Variants in KLB observed in about 807,000 individuals in gnomAD.
KLB encodes beta-klotho.
In KLB, 44 loss-of-function variants were observed where a neutral mutation model predicts 88.4. The ratio of observed to expected loss-of-function variants is 0.50; its 90% confidence interval spans 0.39 to 0.64. The LOEUF is 0.64. Ranked by LOEUF, KLB falls within the 30% of genes least tolerant of loss-of-function variation. The pLI is 0.00. For synonymous variants in KLB, 548 were observed against 513.4 expected (o/e 1.07, Z -0.91); for missense variants, 1,137 against 1,304.8 (o/e 0.87, Z 1.98).
intron 3 of KLB, among the ~76,000 whole-genome samples, chr4:39,439,568 C>T (rs1049995143): frequency 1.3e-5 from 2 of 151,904 alleles, no homozygotes; most frequent in Non-Finnish European, 2.9e-5. Context: ...CCAGTTCAAA[C>T]GATTCTCCTG....
At position 39,414,817 on chromosome 4, in the gene KLB, C is replaced by T. The variant is rs1286035608; in HGVS notation, c.825+7043C>T. ...CCGGGAGGCGGAGGTTGCAGTGAGC[C>T]AAGATCATGCCACTGCACTCTAGCC... On this transcript the variant is annotated intron_variant, in intron 1 of 4. Coordinates refer to ENST00000257408, the MANE Select transcript of KLB (RefSeq NM_175737.4). 3.7e-5 allele frequency among the ~76,000 whole-genome samples: 5 copies of T among 134,252 alleles called. No individual in the cohort carries two copies. The East Asian group carries it at 9.3e-4, about 25-fold the overall frequency. 88.1% of individuals were successfully genotyped at this position (134,252 alleles called of 152,430 possible).
At position 39,437,943 on chromosome 4, in the gene KLB, A is replaced by T; in HGVS notation, c.1553A>T (p.Gln518Leu). ...FSLKESTPDV[Q>L]GQFPCDFSWG... ...TTAAAAGAGTCCACGCCAGATGTGCAGGGCCAGTTTCCCTGTGACTTCTCC... is the reference window on the plus strand; with the variant it reads ...TTAAAAGAGTCCACGCCAGATGTGCTGGGCCAGTTTCCCTGTGACTTCTCC... Residue 518 changes from glutamine (Q) to leucine (L), a missense_variant, in exon 3 of 5, where the codon CAG becomes CTG. By Grantham distance (113) the Gln-to-Leu change is moderately radical (BLOSUM62 -2). This residue lies in a region of KLB where 597 missense variants were observed against 765.2 expected (regional missense o/e 0.78). Transcript: ENST00000257408. The T allele has an allele frequency of 6.2e-7, 1 of 1,614,210 alleles. No individual in the cohort carries two copies. Among genetic ancestry groups the T allele is most frequent in the Non-Finnish European group, 8.5e-7 (1 of 1,180,032 alleles).
rs1743832784 is a variant in KLB, at chr4:39,449,163, A to G, written c.*477A>G. 1 of 152,840 alleles carries G rather than the reference A, an allele frequency of 6.5e-6. No homozygotes were observed. The highest frequency in any genetic ancestry group is 6.5e-5 in the Admixed American group (1 of 15,366). 9.5% of individuals were successfully genotyped at this position (152,840 alleles called of 1,614,324 possible). On this transcript the variant is annotated 3_prime_UTR_variant, in exon 5 of 5. Transcript: ENST00000257408. ...AACATGGTGAAACCATGTCTCTACT[A>G]AAAATACAAAAAATTAGCCAGGCGT...
intron 1 of KLB, among the ~76,000 whole-genome samples, chr4:39,416,108 G>GACACAC (rs34831449): frequency 9.7e-4 from 139 of 143,068 alleles, no homozygotes; most frequent in African/African-American, 2.9e-3. Context: ...GTAGATTGCA[G>GACACAC]ACACACACAC....
Position 39,450,973 on chromosome 4 carries a change from A to AC in KLB, c.*2287_*2288insC, listed in dbSNP as rs1447466580. ...AAGTATCTCGTACTCACAGTTCACAAATTAACCTTCACTGTCTCTTTCACA... is the reference window on the plus strand; with the variant it reads ...AAGTATCTCGTACTCACAGTTCACAACATTAACCTTCACTGTCTCTTTCACA... On this transcript the variant is annotated 3_prime_UTR_variant, in exon 5 of 5. Transcript: ENST00000257408. 6.6e-6 allele frequency: 1 copy of AC among 152,160 alleles called. No individual in the cohort carries two copies. Among genetic ancestry groups the AC allele is most frequent in the Non-Finnish European group, 1.5e-5 (1 of 68,018 alleles). 9.4% of individuals were successfully genotyped at this position (152,160 alleles called of 1,614,324 possible). A position where few individuals can be genotyped will look rare whatever the true frequency, so the allele number is the denominator to read the frequency against.
At chr4:39,429,174 A>T (rs1436305821) in intron 1 of KLB, among the ~76,000 whole-genome samples, 1 of 152,240 alleles carries the variant, frequency 6.6e-6, no homozygotes, top group East Asian at 1.9e-4. Context: ...TATAGTACAC[A>T]TGAACATATT....
At position 39,437,762 on chromosome 4, in the gene KLB, A is replaced by G. The variant is rs767568678; in HGVS notation, c.1372A>G (p.Thr458Ala). The change falls in exon 3 of 5, where the codon ACT becomes GCT. Residue 458 changes from threonine to alanine, a missense_variant. Physicochemically the swap from Thr to Ala is moderately conservative, Grantham distance 58 (BLOSUM62 0). Coordinates refer to ENST00000257408, the MANE Select transcript of KLB (RefSeq NM_175737.4). ...RLDEIRVFGYTAWSLLDGFEW... is the reference protein window; with the variant it reads ...RLDEIRVFGYAAWSLLDGFEW... ...AGATGAAATACGAGTGTTTGGTTAT[A>G]CTGCCTGGTCTCTCCTGGATGGCTT... 1.5e-5 allele frequency: 24 copies of G among 1,613,656 alleles called. No homozygotes were observed. Among genetic ancestry groups the G allele is most frequent in the Non-Finnish European group, 2.0e-5 (24 of 1,179,646 alleles).
intron 3 of KLB, among the ~76,000 whole-genome samples, chr4:39,444,177 CAAACA>C (rs756139100): frequency 3.1e-4 from 47 of 152,138 alleles, no homozygotes; most frequent in Non-Finnish European, 5.7e-4. Flanking sequence ...AACAAACAAA[CAAACA>C]AAACATTCTT....
At chr4:39,442,080 A>G (rs186256743) in intron 3 of KLB, among the ~76,000 whole-genome samples, 5 of 152,172 alleles carry the variant, frequency 3.3e-5, no homozygotes, top group Admixed American at 1.3e-4. Context: ...TGTCTCTACA[A>G]AAAAAACTGG....
intron 1 of KLB, among the ~76,000 whole-genome samples, chr4:39,422,411 A>T (rs1743109414): frequency 6.6e-6 from 1 of 152,118 alleles, no homozygotes; most frequent in African/African-American, 2.4e-5. Flanking sequence ...ATAGGGCGAT[A>T]TAGCCTGGGC....
chr4:39,448,769 A>C lies in KLB; in HGVS notation c.*83A>C. The C allele has an allele frequency of 7.8e-7, 1 of 1,287,836 alleles. No homozygotes were observed. Among genetic ancestry groups the C allele is most frequent in the South Asian group, 1.4e-5 (1 of 70,124 alleles). The allele number at this position is 1,287,836 out of a possible 1,614,324, so 79.8% of individuals were successfully genotyped here. A position where few individuals can be genotyped will look rare whatever the true frequency, so the allele number is the denominator to read the frequency against. ...AACTTACAGGAGATATACCTGTATT[A>C]TAGAAAGACAATCTGAGATACAGCT... On this transcript the variant is annotated 3_prime_UTR_variant, in exon 5 of 5. Transcript: ENST00000257408.
chr4:39,407,113 G>T lies in KLB; in HGVS notation c.164G>T (p.Gly55Val), dbSNP rs1742745483. The T allele has an allele frequency of 6.2e-7, 1 of 1,614,020 alleles. No individual in the cohort carries two copies. Among genetic ancestry groups the T allele is most frequent in the African/African-American group, 1.3e-5 (1 of 74,912 alleles). The change falls in exon 1 of 5, where the codon GGA becomes GTA. Residue 55 changes from glycine (G) to valine (V), a missense_variant. Coordinates refer to ENST00000257408, the MANE Select transcript of KLB (RefSeq NM_175737.4). The part of the protein sequence containing the change: ...ILLRAVTGFS[G>V]DGRAIWSKNP... ...CTACGAGCTGTTACTGGATTCTCTG[G>T]AGATGGAAGAGCTATATGGTCTAAA...
Position 39,449,979 on chromosome 4 carries a change from T to A in KLB, c.*1293T>A, listed in dbSNP as rs1743856084. Reference sequence around the variant, plus strand: ...TAAAAGTAATTTCCAAAACCTCATCTCATGGAAAGATCACAGGATGAAGGA... The same window carrying A: ...TAAAAGTAATTTCCAAAACCTCATCACATGGAAAGATCACAGGATGAAGGA... On this transcript the variant is annotated 3_prime_UTR_variant, in exon 5 of 5. Transcript: ENST00000257408. 6.6e-6 allele frequency: 1 copy of A among 151,960 alleles called. No homozygotes were observed. Among genetic ancestry groups the A allele is most frequent in the African/African-American group, 2.4e-5 (1 of 41,372 alleles). The allele number at this position is 151,960 out of a possible 1,614,324, so 9.4% of individuals were successfully genotyped here. A position where few individuals can be genotyped will look rare whatever the true frequency, so the allele number is the denominator to read the frequency against.
At chr4:39,437,675 G>T in intron 2 of KLB, 52 bp from the exon 3 acceptor site, 1 of 1,531,186 alleles carries the variant, frequency 6.5e-7, no homozygotes, top group Non-Finnish European at 8.8e-7. Context: ...TTGTAAACAT[G>T]AACTAGAATG....
chr4:39,429,104 A>G (rs1251958664), intron 1 of KLB, among the ~76,000 whole-genome samples: 3 of 152,242 alleles, frequency 2.0e-5, no homozygotes, highest in African/African-American at 7.2e-5. Context: ...TTTTTAAATA[A>G]ACTTTCTTTA....
rs67319815 is a variant in KLB, at chr4:39,445,684, G to GTTTTT, written c.1606-635_1606-631dup. Among the ~76,000 whole-genome samples the GTTTTT allele has an allele frequency of 2.1e-5, 2 of 94,960 alleles. 1 individual carries two copies. The highest frequency in any genetic ancestry group is 4.6e-5 in the Non-Finnish European group (2 of 43,678). The allele number at this position is 94,960 out of a possible 152,430, so 62.3% of individuals were successfully genotyped here. A position where few individuals can be genotyped will look rare whatever the true frequency, so the allele number is the denominator to read the frequency against. ...CACGCCTGGCTAATCTTGTTTTTTT[G>GTTTTT]TTTTTTTTTTTTTTTTTAGTAGAGA... On this transcript the variant is annotated intron_variant, in intron 3 of 4. Coordinates refer to ENST00000257408, the MANE Select transcript of KLB (RefSeq NM_175737.4).
chr4:39,417,665 C>T (rs897714639), intron 1 of KLB, among the ~76,000 whole-genome samples: 2 of 152,138 alleles, frequency 1.3e-5, no homozygotes, highest in East Asian at 3.8e-4. Context: ...AGGACTGAGA[C>T]AATTATTACA....
chr4:39,437,693 C>T (rs373952867), intron 2 of KLB, 34 bp from the exon 3 acceptor site: 66 of 1,573,696 alleles, frequency 4.2e-5, no homozygotes, highest in Non-Finnish European at 5.7e-5. Context: ...ATGTTTAGGC[C>T]TCTGAACATC....
intron 1 of KLB, among the ~76,000 whole-genome samples, chr4:39,417,716 A>G (rs1268370585): frequency 2.0e-5 from 3 of 152,190 alleles, no homozygotes; most frequent in Non-Finnish European, 4.4e-5. Flanking sequence ...TTAAATTACT[A>G]TTGTAAGAAC....
Sources: gnomAD v4.1 joint callset for allele counts (sites outside exome capture counted in the v4.1 genomes callset) on GRCh38, gnomAD v4.1.1 for gene constraint, gnomAD v4.1.1 regional missense constraint, MANE v1.5 for transcripts, NCBI Gene and HGNC (gene_info 2026-07-23, HGNC 2026-07-21) for gene names.